The following ATF7IP2 variants were observed in gnomAD, a reference collection of about 807,000 sequenced individuals.
ATF7IP2 encodes activating transcription factor 7-interacting protein 2.
ATF7IP2 carries 42 observed loss-of-function variants against 64.2 expected under a neutral mutation model. The ratio of observed to expected loss-of-function variants is 0.65; its 90% CI spans 0.51 to 0.85. The LOEUF is 0.85. ATF7IP2 is among the 40% of genes least tolerant of loss of function. The pLI, the probability that ATF7IP2 is intolerant of heterozygous loss-of-function variation, is 0.00. For missense variants in ATF7IP2, 933 were observed against 784.2 expected (o/e 1.19, Z -2.27); for synonymous variants, 308 against 272.8 (o/e 1.13, Z -1.27).
intron 9 of ATF7IP2, among the ~76,000 whole-genome samples, chr16:10,467,847 CCAGCCAAAAAT>C (rs1246256972): frequency 2.8e-4 from 42 of 151,524 alleles, no homozygotes; most frequent in African/African-American, 8.2e-4. Context: ...GCCATGGCGC[CCAGCCAAAAAT>C]CAGCCAAAAA....
At chr16:10,452,123 A>C (rs540126941) in intron 8 of ATF7IP2, among the ~76,000 whole-genome samples, 20 of 152,036 alleles carry the variant, frequency 1.3e-4, no homozygotes, top group Non-Finnish European at 2.6e-4. Context: ...ACTTCTGTCA[A>C]CTTGTCACCC....
intron 8 of ATF7IP2, among the ~76,000 whole-genome samples, chr16:10,456,971 A>G (rs2142008876): frequency 6.6e-6 from 1 of 152,330 alleles, no homozygotes. Context: ...CAAGTTTTAA[A>G]TAAACTCAAC....
chr16:10,394,532 G>C (rs1476902815), intron 1 of ATF7IP2, among the ~76,000 whole-genome samples: 1 of 152,152 alleles, frequency 6.6e-6, no homozygotes, highest in Admixed American at 6.5e-5. Context: ...CTAGACTTAA[G>C]AGATATCTTT....
At position 10,482,108 on chromosome 16, in the gene ATF7IP2, A is replaced by C. The variant is rs2050255182; in HGVS notation, c.1908A>C (p.Pro636=). The change falls in exon 14 of 14, where the codon CCA becomes CCC. Residue 636 remains proline (P), a synonymous_variant. Transcript: ENST00000562102. ...AGATTGGAGAAATTAAAGCTTTACC[A>C]CTCCCCATGGCCTGTACTTTATCTC... ...WKKIGEIKAL[P]LPMACTLSQF... 1 of 1,613,746 alleles carries C rather than the reference A, an allele frequency of 6.2e-7. No individual in the cohort carries two copies. Among genetic ancestry groups the C allele is most frequent in the African/African-American group, 1.3e-5 (1 of 74,822 alleles).
In ATF7IP2 at chr16:10,401,410, C is replaced by T. The variant is rs1045979764; in HGVS notation, c.-241-13164C>T. 5.9e-5 allele frequency among the ~76,000 whole-genome samples: 9 copies of T among 152,228 alleles called. No individual in the cohort carries two copies. The South Asian group carries it at 6.2e-4, about 11-fold the overall frequency. On this transcript the variant is annotated intron_variant, in intron 1 of 13. Coordinates refer to ENST00000562102, the MANE Select transcript of ATF7IP2 (RefSeq NM_001393719.1). ...GTCTCGAACTCCTGACCTTGTGATC[C>T]GCCCACCTCGGCCTCCCACAGTGCT...
intron 7 of ATF7IP2, among the ~76,000 whole-genome samples, chr16:10,439,920 T>C (rs1004763242): frequency 1.3e-5 from 2 of 151,594 alleles, no homozygotes; most frequent in Admixed American, 6.6e-5. Flanking sequence ...TCCCAGCACT[T>C]TGGGAGGCAG....
rs2048207816 is a variant in ATF7IP2 at position 10,430,490 on chromosome 16, C to G, written c.-10-121C>G. 3 of 603,766 alleles carry G rather than the reference C, an allele frequency of 5.0e-6. No homozygotes were observed. The East Asian group carries it at 8.5e-5, about 17-fold the overall frequency. The allele number at this position is 603,766 out of a possible 1,614,324, so 37.4% of individuals were successfully genotyped here. On this transcript the variant is annotated intron_variant, in intron 4 of 13. Coordinates refer to ENST00000562102, the MANE Select transcript of ATF7IP2 (RefSeq NM_001393719.1). Reference sequence around the variant, plus strand: ...ATATGATTTTCAGTAAGGTGATTATCTAAATATGGAGAGACAGTGTCAATG... The same window carrying G: ...ATATGATTTTCAGTAAGGTGATTATGTAAATATGGAGAGACAGTGTCAATG...
At chr16:10,402,295 C>G (rs1274038260) in intron 1 of ATF7IP2, among the ~76,000 whole-genome samples, 1 of 151,990 alleles carries the variant, frequency 6.6e-6, no homozygotes, top group East Asian at 1.9e-4. Context: ...TTTCATTTGT[C>G]TCAAATGTTC....
At chr16:10,387,372 T>A (rs1289623571) in intron 1 of ATF7IP2, 1 of 152,250 alleles carries the variant, frequency 6.6e-6, no homozygotes, top group East Asian at 1.9e-4. Context: ...TTTACTTCAC[T>A]CTCAGTCTTA....
intron 1 of ATF7IP2, chr16:10,387,223 G>A (rs939826393): frequency 1.3e-5 from 2 of 152,184 alleles, no homozygotes; most frequent in South Asian, 2.1e-4. Context: ...TCACAGGAAA[G>A]CAATTGAAAA....
chr16:10,403,777 CAG>C (rs1454831472), intron 1 of ATF7IP2, among the ~76,000 whole-genome samples: 1 of 152,064 alleles, frequency 6.6e-6, no homozygotes, highest in East Asian at 1.9e-4. Flanking sequence ...TAAAACCAAA[CAG>C]AACTTTATGG....
chr16:10,407,920 T>C (rs557245998), intron 1 of ATF7IP2, among the ~76,000 whole-genome samples: 1 of 149,928 alleles, frequency 6.7e-6, no homozygotes. Context: ...TTTCTTTCTT[T>C]TTTTTTTTTT....
In ATF7IP2 at chr16:10,412,010, GTT is replaced by G. The variant is rs71133351; in HGVS notation, c.-241-2536_-241-2535del. Among the ~76,000 whole-genome samples the G allele has an allele frequency of 7.9e-3, 463 of 58,308 alleles. 45 individuals carry two copies. The highest frequency in any genetic ancestry group is 0.019 in the African/African-American group (308 of 16,310). The allele number at this position is 58,308 out of a possible 152,430, so 38.3% of individuals were successfully genotyped here. On this transcript the variant is annotated intron_variant, in intron 1 of 13. Transcript: ENST00000562102. ...CTTTTTGTTTCATTTATCTTTTTTT[GTT>G]TTTTTTTTTTTTTTTTTTTTTTTTT...
At chr16:10,429,624 C>T (rs537671035) in intron 4 of ATF7IP2, among the ~76,000 whole-genome samples, 4 of 152,222 alleles carry the variant, frequency 2.6e-5, no homozygotes, top group African/African-American at 9.6e-5. Flanking sequence ...GCTAGGATTA[C>T]AGGCGTGAGC....
Position 10,392,521 on chromosome 16 carries a change from T to G in ATF7IP2, c.-242+6399T>G, listed in dbSNP as rs1264933832. On this transcript the variant is annotated intron_variant, in intron 1 of 13. Transcript: ENST00000562102. Reference sequence around the variant, plus strand: ...AGTTAACCCCAGGCCCAAATGGCATTAGTGGTTAATTATTCTAATATTTAA... The same window carrying G: ...AGTTAACCCCAGGCCCAAATGGCATGAGTGGTTAATTATTCTAATATTTAA... Among the ~76,000 whole-genome samples the G allele has an allele frequency of 2.0e-5, 3 of 152,076 alleles. No individual in the cohort carries two copies. In the East Asian group the frequency reaches 5.8e-4, roughly 29 times the overall value.
chr16:10,461,617 G>C (rs2049377786), intron 9 of ATF7IP2, among the ~76,000 whole-genome samples: 1 of 152,034 alleles, frequency 6.6e-6, no homozygotes, highest in African/African-American at 2.4e-5. Context: ...TTTAAATGAA[G>C]TTCAAAAATA....
chr16:10,473,814 G>T, intron 11 of ATF7IP2, 109 bp from the exon 12 acceptor site: 3 of 721,102 alleles, frequency 4.2e-6, no homozygotes, highest in South Asian at 4.5e-5. Flanking sequence ...TCTAGTTTCC[G>T]AATGGTGATT....
chr16:10,447,415 G>A lies in ATF7IP2; in HGVS notation c.1194+6953G>A, dbSNP rs892558939. 2.0e-5 allele frequency: 3 copies of A among 152,150 alleles called. No homozygotes were observed. In the East Asian group the frequency reaches 5.8e-4, roughly 29 times the overall value. 9.4% of individuals were successfully genotyped at this position (152,150 alleles called of 1,614,324 possible). A position where few individuals can be genotyped will look rare whatever the true frequency, so the allele number is the denominator to read the frequency against. On this transcript the variant is annotated intron_variant, in intron 8 of 13. Transcript: ENST00000562102. ...GGAGACCCTTCTCCGGAGAAGAATG[G>A]GATCCCAGGCAGGGCCCCCAAATTG...
At chr16:10,386,477 G>C (rs2047206443) in intron 1 of ATF7IP2, 1 of 152,232 alleles carries the variant, frequency 6.6e-6, no homozygotes, top group South Asian at 2.1e-4. Flanking sequence ...CTCTTGTCCG[G>C]AATGCTTTCA....
Sources: allele counts gnomAD v4.1 joint callset (sites outside exome capture counted in the v4.1 genomes callset), GRCh38; gene constraint gnomAD v4.1.1; transcripts MANE v1.5; gene names NCBI Gene and HGNC (gene_info 2026-07-23, HGNC 2026-07-21).